The following FBXL4 variants were observed in gnomAD, a reference collection of about 807,000 sequenced individuals.
FBXL4 encodes F-box/LRR-repeat protein 4.
FBXL4 carries 40 observed loss-of-function variants against 58.9 expected under a neutral mutation model. That is an observed-to-expected ratio of 0.68 (90% confidence interval 0.53 to 0.88). The LOEUF (loss-of-function observed/expected upper bound fraction) is 0.88, where lower values mean the gene tolerates loss of function less well. Ranked by LOEUF, FBXL4 falls within the 40% of genes least tolerant of loss-of-function variation. The probability of loss-of-function intolerance (pLI) is 0.00; values close to 1 mark genes in which losing one functional copy is unlikely to be tolerated. For missense variants in FBXL4, 676 were observed against 734.4 expected, an observed-to-expected ratio of 0.92 and a Z score of 0.92; for synonymous variants, 263 against 265.5, an observed-to-expected ratio of 0.99 and a Z score of 0.09.
chr6:98,922,077 G>A (rs945803471), intron 4 of FBXL4, among the ~76,000 whole-genome samples: 4 of 152,220 alleles, frequency 2.6e-5, no homozygotes, highest in East Asian at 3.9e-4. Context: ...ACAGGTGCCC[G>A]CCACCACGCC....
At chr6:98,887,190 C>T (rs1332994500) in intron 7 of FBXL4, among the ~76,000 whole-genome samples, 1 of 152,154 alleles carries the variant, frequency 6.6e-6, no homozygotes, top group African/African-American at 2.4e-5. Flanking sequence ...TGCTTGAGAC[C>T]AGGAGGTCAA....
chr6:98,920,312 T>G (rs536772609), intron 4 of FBXL4, among the ~76,000 whole-genome samples: 1 of 152,248 alleles, frequency 6.6e-6, no homozygotes, highest in South Asian at 2.1e-4. Context: ...TTAAACATAT[T>G]AGGATTAATG....
intron 4 of FBXL4, among the ~76,000 whole-genome samples, chr6:98,918,550 ATTAT>A (rs956503688): frequency 4.6e-5 from 7 of 152,160 alleles, no homozygotes; most frequent in African/African-American, 1.7e-4. Flanking sequence ...ATTTTCCAAA[ATTAT>A]TTAAAGATTC....
At position 98,875,573 on chromosome 6, in the gene FBXL4, C is replaced by A. The variant is rs1173159145; in HGVS notation, c.1544G>T (p.Cys515Phe). 6.2e-7 allele frequency: 1 copy of A among 1,614,114 alleles called. No individual in the cohort carries two copies. The highest frequency in any genetic ancestry group is 8.5e-7 in the Non-Finnish European group (1 of 1,180,010). Reference sequence around the variant, plus strand: ...CCCGGTGCTGCTCTGCAGAGTTGGGCACCAGCCAAGGTCAAGCTCCTCCAG... The same window carrying A: ...CCCGGTGCTGCTCTGCAGAGTTGGGAACCAGCCAAGGTCAAGCTCCTCCAG... ...PLLEELDLGW[C>F]PTLQSSTGCF... The change falls in exon 9 of 10, where the codon TGC becomes TTC. Residue 515 changes from cysteine (C) to phenylalanine (F), a missense_variant. Physicochemically the swap from Cys to Phe is radical, Grantham distance 205. Coordinates refer to ENST00000369244, the MANE Select transcript of FBXL4 (RefSeq NM_001278716.2).
chr6:98,874,162 A>G lies in FBXL4; in HGVS notation c.*116T>C. 1 of 741,758 alleles carries G rather than the reference A, an allele frequency of 1.3e-6. No individual in the cohort carries two copies. 45.9% of individuals were successfully genotyped at this position (741,758 alleles called of 1,614,324 possible). ...ATGGACAATTTCATATTTTTCTTTA[A>G]AATCTACAAATGTCTTAATTCTTAC... is the stretch of plus-strand genomic sequence containing the variant. On this transcript the variant is annotated 3_prime_UTR_variant, in exon 10 of 10. Coordinates refer to ENST00000369244, the MANE Select transcript of FBXL4 (RefSeq NM_001278716.2).
chr6:98,943,005 T>G (rs770769770), intron 1 of FBXL4, among the ~76,000 whole-genome samples: 1 of 152,102 alleles, frequency 6.6e-6, no homozygotes, highest in African/African-American at 2.4e-5. Flanking sequence ...ACTGTGGTAG[T>G]GTTCACAGGA....
intron 1 of FBXL4, among the ~76,000 whole-genome samples, chr6:98,937,411 G>A (rs1263787112): frequency 6.6e-6 from 1 of 152,040 alleles, no homozygotes; most frequent in Non-Finnish European, 1.5e-5. Flanking sequence ...AACATATTTT[G>A]TAAGTTATAT....
intron 1 of FBXL4, among the ~76,000 whole-genome samples, chr6:98,947,095 C>A (rs1242420586): frequency 1.3e-5 from 2 of 152,258 alleles, no homozygotes; most frequent in African/African-American, 4.8e-5. Flanking sequence ...GCCAACGCAA[C>A]TACCTGACCA....
intron 2 of FBXL4, among the ~76,000 whole-genome samples, chr6:98,930,004 T>A (rs1337827065): frequency 1.3e-5 from 2 of 152,072 alleles, no homozygotes; most frequent in South Asian, 2.1e-4. Flanking sequence ...AGAAAAGTAG[T>A]CCTGAACTGG....
chr6:98,930,429 A>C (rs947189448), intron 2 of FBXL4, among the ~76,000 whole-genome samples: 5 of 152,210 alleles, frequency 3.3e-5, no homozygotes, highest in African/African-American at 1.2e-4. Flanking sequence ...TCAAACAAAC[A>C]AATAAATAAA....
chr6:98,907,605 T>C (rs891639836), intron 5 of FBXL4, among the ~76,000 whole-genome samples: 23 of 152,182 alleles, frequency 1.5e-4, no homozygotes, highest in Non-Finnish European at 2.6e-4. Context: ...TAGCCTATTC[T>C]GAACTAACAA....
At chr6:98,908,384 G>A (rs538294660) in intron 5 of FBXL4, among the ~76,000 whole-genome samples, 137 of 152,036 alleles carry the variant, frequency 9.0e-4, no homozygotes, top group African/African-American at 2.8e-3. Context: ...ACCTCCTTCC[G>A]TTTCATAGAA....
chr6:98,906,639 C>T (rs1438855332), intron 5 of FBXL4, among the ~76,000 whole-genome samples: 1 of 152,140 alleles, frequency 6.6e-6, no homozygotes, highest in African/African-American at 2.4e-5. Context: ...CATACATGTG[C>T]ATATGTCCTT....
chr6:98,881,758 G>A (rs1293378786), intron 7 of FBXL4, among the ~76,000 whole-genome samples: 1 of 151,874 alleles, frequency 6.6e-6, no homozygotes, highest in Admixed American at 6.6e-5. Context: ...AACAAAAAAA[G>A]TTTATATTGA....
intron 7 of FBXL4, chr6:98,898,242 G>A (rs986165912): frequency 4.3e-5 from 41 of 960,358 alleles, no homozygotes; most frequent in Non-Finnish European, 4.7e-5. Context: ...CTGGGACCAG[G>A]TCAGAACATT....
chr6:98,907,586 C>G (rs1771862462), intron 5 of FBXL4, among the ~76,000 whole-genome samples: 1 of 152,136 alleles, frequency 6.6e-6, no homozygotes. Flanking sequence ...TTTCAAAGAA[C>G]TGCTTAAATA....
intron 7 of FBXL4, among the ~76,000 whole-genome samples, chr6:98,892,863 C>T (rs1771276441): frequency 1.3e-5 from 2 of 152,212 alleles, no homozygotes; most frequent in South Asian, 4.1e-4. Context: ...GGATTACTGT[C>T]ATATACTAGT....
At position 98,873,578 on chromosome 6, in the gene FBXL4, T is replaced by G. The variant is rs1208113235; in HGVS notation, c.*700A>C. 6.6e-6 allele frequency: 1 copy of G among 151,998 alleles called. No homozygotes were observed. The highest frequency in any genetic ancestry group is 1.9e-4 in the East Asian group (1 of 5,196). The allele number at this position is 151,998 out of a possible 1,614,324, so 9.4% of individuals were successfully genotyped here. Reference sequence around the variant, plus strand: ...AATATCAGAAGAAAAGTGGAAACACTACAATTTTTTTTAAGAGAAAGGGAC... The same window carrying G: ...AATATCAGAAGAAAAGTGGAAACACGACAATTTTTTTTAAGAGAAAGGGAC... On this transcript the variant is annotated 3_prime_UTR_variant, in exon 10 of 10. Coordinates refer to ENST00000369244, the MANE Select transcript of FBXL4 (RefSeq NM_001278716.2).
chr6:98,919,141 A>C (rs1006785523), intron 4 of FBXL4, among the ~76,000 whole-genome samples: 17 of 152,158 alleles, frequency 1.1e-4, no homozygotes, highest in African/African-American at 4.1e-4. Flanking sequence ...TTTTAGGCCC[A>C]GAAGGGACCA....
Sources: allele counts gnomAD v4.1 joint callset (sites outside exome capture counted in the v4.1 genomes callset), GRCh38; gene constraint gnomAD v4.1.1; transcripts MANE v1.5; gene names NCBI Gene and HGNC (gene_info 2026-07-23, HGNC 2026-07-21).